PARD3B: variants seen among roughly 807,000 people sequenced by gnomAD.
PARD3B encodes the protein partitioning defective 3 homolog B.
In PARD3B, 103 loss-of-function variants were observed where a neutral mutation model predicts 130.2. That is an observed-to-expected ratio of 0.79 (90% CI 0.67 to 0.93). The LOEUF is 0.93. PARD3B is among the 40% of genes least tolerant of loss of function. The pLI is 0.00. For synonymous variants in PARD3B, 583 were observed against 553.2 expected, an observed-to-expected ratio of 1.05 and a Z score of -0.76; for missense variants, 1,609 against 1,499.2, an observed-to-expected ratio of 1.07 and a Z score of -1.21.
At chr2:204,793,115 A>G (rs1323516717) in intron 2 of PARD3B, among the ~76,000 whole-genome samples, 1 of 152,170 alleles carries the variant, frequency 6.6e-6, no homozygotes, top group African/African-American at 2.4e-5. Context: ...AATAGTACAG[A>G]CTGACTTTGA....
chr2:204,952,375 A>G (rs1428909019), intron 2 of PARD3B, among the ~76,000 whole-genome samples: 1 of 152,210 alleles, frequency 6.6e-6, no homozygotes, highest in Non-Finnish European at 1.5e-5. Flanking sequence ...AAAGTAGTAA[A>G]TTAAATGAAA....
chr2:204,752,662 T>C (rs1190070948), intron 2 of PARD3B, among the ~76,000 whole-genome samples: 1 of 152,162 alleles, frequency 6.6e-6, no homozygotes, highest in East Asian at 1.9e-4. Flanking sequence ...TTGATCCCTA[T>C]TCTCTTTGAT....
Position 205,122,023 on chromosome 2 carries a change from G to T in PARD3B, c.1165+74G>T. Reference sequence around the variant, plus strand: ...AATTGGTTAAGAGAAATGCATTAAGGCTAATTTAGTTAATTCTCCCTTCAT... The same window carrying T: ...AATTGGTTAAGAGAAATGCATTAAGTCTAATTTAGTTAATTCTCCCTTCAT... On this transcript the variant is annotated intron_variant, in intron 8 of 22. Coordinates refer to ENST00000406610, the MANE Select transcript of PARD3B (RefSeq NM_001302769.2). This position sits in a 1 kb window ranked among gnomAD's most constrained non-coding sequence, Gnocchi z 4.3. 1 of 1,264,056 alleles carries T rather than the reference G, an allele frequency of 7.9e-7. No individual in the cohort carries two copies. Among genetic ancestry groups the T allele is most frequent in the Non-Finnish European group, 1.1e-6 (1 of 920,464 alleles). The allele number at this position is 1,264,056 out of a possible 1,614,324, so 78.3% of individuals were successfully genotyped here. A position where few individuals can be genotyped will look rare whatever the true frequency, so the allele number is the denominator to read the frequency against.
chr2:204,821,601 A>G (rs2043357090), intron 2 of PARD3B, among the ~76,000 whole-genome samples: 1 of 151,676 alleles, frequency 6.6e-6, no homozygotes, highest in African/African-American at 2.4e-5. Context: ...CTAAATGACA[A>G]GTTAATGGGA....
chr2:205,006,133 G>C (rs577226590), intron 3 of PARD3B, among the ~76,000 whole-genome samples: 1 of 152,302 alleles, frequency 6.6e-6, no homozygotes, highest in Non-Finnish European at 1.5e-5. Context: ...TGCTGCAAAT[G>C]ACATTATTTC....
chr2:204,746,188 G>A (rs1001565494), intron 2 of PARD3B, among the ~76,000 whole-genome samples: 5 of 132,524 alleles, frequency 3.8e-5, no homozygotes, highest in Non-Finnish European at 7.7e-5. Context: ...GTGACCAAGT[G>A]TTCTCATTGT....
rs1207628821 is a variant in PARD3B, at chr2:204,709,921, A to C, written c.222+23639A>C. 2.6e-5 allele frequency among the ~76,000 whole-genome samples: 4 copies of C among 152,364 alleles called. 1 individual carries two copies. Among genetic ancestry groups the C allele is most frequent in the African/African-American group, 9.6e-5 (4 of 41,596 alleles). ...GTGATTGTGAAATAATGGTTAGTGC[A>C]TTTTTAAAAGTTTTGTCTATTTTTC... On this transcript the variant is annotated intron_variant, in intron 2 of 22. Transcript: ENST00000406610.
At position 205,176,563 on chromosome 2, in the gene PARD3B, A is replaced by G; in HGVS notation, c.1910A>G (p.Gln637Arg). The change falls in exon 13 of 23, where the codon CAA (glutamine) becomes CGA (arginine). Residue 637 changes from glutamine (Q) to arginine (R), a missense_variant. Transcript: ENST00000406610. This position sits in a 1 kb window ranked among gnomAD's most constrained non-coding sequence, Gnocchi z 5.3. The part of the protein sequence containing the change: ...ILHPLGTCSP[Q>R]DKQKGLLLPN... ...CATCCACTTGGCACTTGCAGTCCAC[A>G]AGACAAACAGAAAGGTAAGAGTCTA... 3 of 1,610,228 alleles carry G rather than the reference A, an allele frequency of 1.9e-6. No homozygotes were observed. Among genetic ancestry groups the G allele is most frequent in the Non-Finnish European group, 2.5e-6 (3 of 1,178,344 alleles).
At chr2:204,642,776 T>A (rs1444101790) in intron 1 of PARD3B, among the ~76,000 whole-genome samples, 1 of 151,810 alleles carries the variant, frequency 6.6e-6, no homozygotes, top group African/African-American at 2.4e-5. Flanking sequence ...GACTTCCCCC[T>A]TGCTGTTCTT....
chr2:204,583,129 A>G (rs373578645), intron 1 of PARD3B, among the ~76,000 whole-genome samples: 1 of 141,544 alleles, frequency 7.1e-6, no homozygotes, highest in Non-Finnish European at 1.5e-5. Context: ...TACTGGGTAT[A>G]TACCCAAATG....
At chr2:205,260,307 T>C (rs895307811) in intron 16 of PARD3B, among the ~76,000 whole-genome samples, 3 of 152,158 alleles carry the variant, frequency 2.0e-5, no homozygotes, top group African/African-American at 7.2e-5. Context: ...TTTCCACTTA[T>C]AGCATCATGT....
At chr2:204,696,779 T>G (rs1279096863) in intron 2 of PARD3B, among the ~76,000 whole-genome samples, 2 of 152,152 alleles carry the variant, frequency 1.3e-5, no homozygotes, top group African/African-American at 4.8e-5. Flanking sequence ...ACTTAATGTT[T>G]ACTCTTTTAA....
At chr2:205,369,484 C>G (rs913693905) in intron 18 of PARD3B, among the ~76,000 whole-genome samples, 78 of 152,340 alleles carry the variant, frequency 5.1e-4, no homozygotes, top group African/African-American at 1.7e-3. Context: ...ATTCTTTAAA[C>G]AGCCTACGGG....
At chr2:205,430,656 T>C (rs1380273843) in intron 19 of PARD3B, among the ~76,000 whole-genome samples, 1 of 152,172 alleles carries the variant, frequency 6.6e-6, no homozygotes, top group Non-Finnish European at 1.5e-5. Context: ...AGTTAAATCA[T>C]TTCACAAGAA....
chr2:205,178,800 C>G (rs1443668399), intron 13 of PARD3B, among the ~76,000 whole-genome samples: 1 of 152,156 alleles, frequency 6.6e-6, no homozygotes, highest in Non-Finnish European at 1.5e-5. Flanking sequence ...TGGTCAACAA[C>G]AGACCACATA....
intron 3 of PARD3B, among the ~76,000 whole-genome samples, chr2:204,966,875 T>C (rs766436539): frequency 6.6e-6 from 1 of 152,218 alleles, no homozygotes; most frequent in African/African-American, 2.4e-5. Context: ...TAATAACTCA[T>C]TTATTTAAGC....
intron 2 of PARD3B, among the ~76,000 whole-genome samples, chr2:204,855,544 GAAA>G (rs1159814030): frequency 7.1e-6 from 1 of 139,978 alleles, no homozygotes; most frequent in African/African-American, 2.6e-5. Context: ...CCCTCTAAAA[GAAA>G]AAAAAATATA....
At chr2:205,103,250 A>AATAAACATATTTTATATTTATGTAAAAT (rs1431773569) in intron 4 of PARD3B, among the ~76,000 whole-genome samples, 1 of 79,932 alleles carries the variant, frequency 1.3e-5, no homozygotes, top group African/African-American at 4.0e-5. Flanking sequence ...ATTTATGTAA[A>AATAAACATATTTTATATTTATGTAAAAT]AAACATTTTA....
chr2:204,666,682 G>T (rs571405736), intron 1 of PARD3B, among the ~76,000 whole-genome samples: 9 of 152,176 alleles, frequency 5.9e-5, no homozygotes, highest in Non-Finnish European at 1.0e-4. Context: ...CTAGAATTTT[G>T]GCTCACACAA....
Sources: gnomAD v4.1 joint callset for allele counts (sites outside exome capture counted in the v4.1 genomes callset) on GRCh38, gnomAD v4.1.1 for gene constraint, Gnocchi (gnomAD v3.1) non-coding constraint, MANE v1.5 for transcripts, NCBI Gene and HGNC (gene_info 2026-07-23, HGNC 2026-07-21) for gene names.